LOC128706666: variants seen among roughly 807,000 people sequenced by gnomAD.
At chr20:10,429,783 A>G in the LOC128706666 span, among the ~76,000 whole-genome samples, 72,781 of 151,932 alleles carry the variant, frequency 0.48, 18,297 homozygotes, top group Non-Finnish European at 0.56. Flanking sequence ...TCCTTGCTTC[A>G]ATTCCAGTAG....
the LOC128706666 span, among the ~76,000 whole-genome samples, chr20:10,430,487 A>G: frequency 2.0e-5 from 3 of 152,222 alleles, no homozygotes; most frequent in African/African-American, 7.2e-5. Flanking sequence ...AAAAAACATT[A>G]CTGGAATTAA....
the LOC128706666 span, among the ~76,000 whole-genome samples, chr20:10,414,112 A>G: frequency 6.6e-6 from 1 of 152,178 alleles, no homozygotes; most frequent in Non-Finnish European, 1.5e-5. Context: ...TTATTCTTCA[A>G]TAAATCCCCT....
the LOC128706666 span, among the ~76,000 whole-genome samples, chr20:10,433,774 A>T: frequency 3.3e-5 from 5 of 152,038 alleles, no homozygotes; most frequent in African/African-American, 9.7e-5. Flanking sequence ...CCAGCGAGGG[A>T]GGGGACGGGG....
the LOC128706666 span, among the ~76,000 whole-genome samples, chr20:10,418,872 TCTAA>T: frequency 6.6e-6 from 1 of 152,130 alleles, no homozygotes; most frequent in Admixed American, 6.5e-5. Context: ...TAATAAATTC[TCTAA>T]CTCCCTGCTT....
At chr20:10,424,419 A>T in the LOC128706666 span, among the ~76,000 whole-genome samples, 5 of 152,124 alleles carry the variant, frequency 3.3e-5, no homozygotes, top group Non-Finnish European at 7.4e-5. Context: ...ATATTTTTAA[A>T]AAATGACATT....
the LOC128706666 span, among the ~76,000 whole-genome samples, chr20:10,417,829 C>G: frequency 1.3e-5 from 2 of 151,484 alleles, no homozygotes; most frequent in Admixed American, 6.6e-5. Flanking sequence ...GATATAATTA[C>G]GAGATTACAG....
At chr20:10,419,381 A>G in the LOC128706666 span, among the ~76,000 whole-genome samples, 1 of 152,178 alleles carries the variant, frequency 6.6e-6, no homozygotes, top group African/African-American at 2.4e-5. Flanking sequence ...TAATCATAAT[A>G]TAGTATAACG....
chr20:10,414,831 C>T, the LOC128706666 span, among the ~76,000 whole-genome samples: 1 of 152,104 alleles, frequency 6.6e-6, no homozygotes, highest in African/African-American at 2.4e-5. Context: ...GTTTTAAACA[C>T]CTGGCTAAAG....
the LOC128706666 span, among the ~76,000 whole-genome samples, chr20:10,427,086 A>G: frequency 1.3e-5 from 2 of 151,154 alleles, no homozygotes; most frequent in African/African-American, 2.4e-5. Flanking sequence ...ACACAAAGTA[A>G]GGTTAAGGGC....
chr20:10,415,898 T>C, the LOC128706666 span, among the ~76,000 whole-genome samples: 1 of 151,996 alleles, frequency 6.6e-6, no homozygotes, highest in African/African-American at 2.4e-5. Flanking sequence ...TGGTAGTGAC[T>C]CCCAAATCAT....
chr20:10,433,439 C>G, the LOC128706666 span, among the ~76,000 whole-genome samples: 1 of 152,218 alleles, frequency 6.6e-6, no homozygotes, highest in Non-Finnish European at 1.5e-5. Flanking sequence ...ACTGCCGTAT[C>G]TACTAACTCG....
At chr20:10,417,137 G>A in the LOC128706666 span, among the ~76,000 whole-genome samples, 1 of 151,652 alleles carries the variant, frequency 6.6e-6, no homozygotes, top group South Asian at 2.1e-4. Context: ...TGTAATCCCA[G>A]TTACTCGGGA....
chr20:10,417,417 C>T, the LOC128706666 span, among the ~76,000 whole-genome samples: 1 of 152,104 alleles, frequency 6.6e-6, no homozygotes, highest in Non-Finnish European at 1.5e-5. Flanking sequence ...TTGAGACCAG[C>T]CTGGGCAACA....
chr20:10,415,689 T>C, the LOC128706666 span, among the ~76,000 whole-genome samples: 1 of 152,250 alleles, frequency 6.6e-6, no homozygotes, highest in African/African-American at 2.4e-5. Flanking sequence ...CGTTAAAACT[T>C]ACATACACAC....
chr20:10,427,029 GACACACACACACACACACACACAC>G, the LOC128706666 span, among the ~76,000 whole-genome samples: 5,068 of 130,776 alleles, frequency 0.039, 142 homozygotes, highest in Non-Finnish European at 0.055. Context: ...AGAAAACACT[GACACACACACACACACACACACAC>G]ACACACACAC....
chr20:10,416,149 T>C, the LOC128706666 span, among the ~76,000 whole-genome samples: 2 of 148,352 alleles, frequency 1.3e-5, no homozygotes, highest in East Asian at 4.1e-4. Context: ...GCTTGGCAGA[T>C]GGGTTTTTGT....
the LOC128706666 span, among the ~76,000 whole-genome samples, chr20:10,432,614 G>C: frequency 9.5e-3 from 1,442 of 152,094 alleles, 10 homozygotes; most frequent in Non-Finnish European, 0.015. Context: ...CCAACATGGC[G>C]AAACACCATC....
chr20:10,423,293 C>A, the LOC128706666 span, among the ~76,000 whole-genome samples: 3 of 152,060 alleles, frequency 2.0e-5, no homozygotes, highest in South Asian at 6.2e-4. Context: ...GTGGCGCACG[C>A]CTGTAGTTCT....
the LOC128706666 span, among the ~76,000 whole-genome samples, chr20:10,419,369 TATAATC>T: frequency 6.6e-6 from 1 of 152,090 alleles, no homozygotes; most frequent in African/African-American, 2.4e-5. Flanking sequence ...ACATAATCAA[TATAATC>T]ATAATATAGT....
Sources: allele counts gnomAD v4.1 joint callset (sites outside exome capture counted in the v4.1 genomes callset), GRCh38; gene constraint gnomAD v4.1.1; transcripts MANE v1.5.